The following HTR2C variants were observed in gnomAD, a reference collection of about 807,000 sequenced individuals.
HTR2C encodes 5-hydroxytryptamine receptor 2C.
A neutral mutation model predicts 21.0 loss-of-function variants in HTR2C; 5 were observed. That is an observed-to-expected ratio of 0.24 (90% confidence interval 0.12 to 0.50). The LOEUF is 0.50. Ranked by LOEUF, HTR2C falls within the 20% of genes least tolerant of loss-of-function variation. The pLI, the probability that HTR2C is intolerant of heterozygous loss-of-function variation, is 0.98. For synonymous variants in HTR2C, 150 were observed against 145.3 expected (o/e 1.03, Z -0.23); for missense variants, 271 against 371.2 (o/e 0.73, Z 2.22).
chrX:114,610,662 T>C (rs1928686509), intron 1 of HTR2C, among the ~76,000 whole-genome samples: 1 of 111,873 alleles, frequency 8.9e-6, no homozygotes, highest in African/African-American at 3.3e-5. Context: ...CATCTATGTT[T>C]TCTATCTAGA....
intron 2 of HTR2C, among the ~76,000 whole-genome samples, chrX:114,669,418 C>T (rs1556411320): frequency 8.9e-6 from 1 of 112,068 alleles, no homozygotes; most frequent in Non-Finnish European, 1.9e-5. Context: ...AGTACCCAAA[C>T]TCTTACTGAG....
intron 2 of HTR2C, among the ~76,000 whole-genome samples, chrX:114,647,285 A>C (rs1026337578): frequency 2.6e-4 from 29 of 112,198 alleles, no homozygotes; most frequent in African/African-American, 9.4e-4. Context: ...GGCTATACTA[A>C]TTAGCCTGAT....
chrX:114,663,563 C>T (rs1190892344), intron 2 of HTR2C, among the ~76,000 whole-genome samples: 5 of 110,812 alleles, frequency 4.5e-5, no homozygotes, highest in African/African-American at 1.6e-4. Context: ...TTTTTATCTC[C>T]CTATAAAGGT....
Position 114,588,792 on chromosome X carries a change from G to A in HTR2C, c.-147+4133G>A, listed in dbSNP as rs896688843. Among the ~76,000 whole-genome samples the A allele has an allele frequency of 4.5e-5, 5 of 112,024 alleles. No homozygotes were observed. The East Asian group carries it at 1.1e-3, about 25-fold the overall frequency. Reference sequence around the variant, plus strand: ...TAGCTTCCTGTAATCAAAGTAGTAAGACTTGCCCAAATTAGCAAGTAATTA... The same window carrying A: ...TAGCTTCCTGTAATCAAAGTAGTAAAACTTGCCCAAATTAGCAAGTAATTA... On this transcript the variant is annotated intron_variant, in intron 1 of 5. Coordinates refer to ENST00000276198, the MANE Select transcript of HTR2C (RefSeq NM_000868.4).
chrX:114,815,838 CT>C (rs2070579025), intron 4 of HTR2C, among the ~76,000 whole-genome samples: 1 of 111,229 alleles, frequency 9.0e-6, no homozygotes, highest in Non-Finnish European at 1.9e-5. Context: ...AGAATTGCCC[CT>C]CCTCTGTGAT....
intron 2 of HTR2C, among the ~76,000 whole-genome samples, chrX:114,678,812 AG>A (rs782098172): frequency 6.3e-5 from 7 of 111,416 alleles, no homozygotes; most frequent in African/African-American, 2.3e-4. Context: ...GTTAGCCTTA[AG>A]AGTTCCATTT....
intron 2 of HTR2C, among the ~76,000 whole-genome samples, chrX:114,643,292 A>C (rs1436505449): frequency 5.4e-5 from 6 of 110,546 alleles, no homozygotes; most frequent in Non-Finnish European, 9.5e-5. Context: ...TGTTTGCAAG[A>C]GCCATGAAAT....
At chrX:114,776,754 C>T in intron 4 of HTR2C, 1 of 388,629 alleles carries the variant, frequency 2.6e-6, no homozygotes, top group South Asian at 3.1e-5. Flanking sequence ...AGATCAATAC[C>T]AACTGCAGGT....
chrX:114,681,712 A>G (rs781856698), intron 2 of HTR2C, among the ~76,000 whole-genome samples: 3 of 111,795 alleles, frequency 2.7e-5, no homozygotes, highest in Non-Finnish European at 3.8e-5. Context: ...TAATCTCTAG[A>G]TTACCAAATC....
At chrX:114,752,357 T>C (rs1249305450) in intron 4 of HTR2C, among the ~76,000 whole-genome samples, 1 of 111,592 alleles carries the variant, frequency 9.0e-6, no homozygotes, top group Non-Finnish European at 1.9e-5. Context: ...GCATTTTTAC[T>C]TACAGCATTA....
At chrX:114,664,117 C>A (rs1186126818) in intron 2 of HTR2C, among the ~76,000 whole-genome samples, 1 of 111,752 alleles carries the variant, frequency 8.9e-6, no homozygotes, top group East Asian at 2.8e-4. Context: ...TATACCCGTG[C>A]AAAGTTTTAA....
chrX:114,726,079 C>G (rs1422774484), intron 2 of HTR2C, among the ~76,000 whole-genome samples: 12 of 112,385 alleles, frequency 1.1e-4, no homozygotes, highest in Admixed American at 1.9e-4. Context: ...TTTACCTAAG[C>G]AAGCCTGGGC....
At position 114,609,103 on chromosome X, in the gene HTR2C, A is replaced by G. The variant is rs782562529; in HGVS notation, c.-146-4712A>G. Reference sequence around the variant, plus strand: ...TTGCAACAGTGGTGTGGCATAACACATTAGTAGGAACTTTGGTTGGTATGT... The same window carrying G: ...TTGCAACAGTGGTGTGGCATAACACGTTAGTAGGAACTTTGGTTGGTATGT... On this transcript the variant is annotated intron_variant, in intron 1 of 5. Coordinates refer to ENST00000276198, the MANE Select transcript of HTR2C (RefSeq NM_000868.4). 2.7e-5 allele frequency among the ~76,000 whole-genome samples: 3 copies of G among 112,000 alleles called. No individual in the cohort carries two copies. In the Admixed American group the frequency reaches 2.8e-4, roughly 11 times the overall value.
At chrX:114,780,554 G>A (rs782782283) in intron 4 of HTR2C, among the ~76,000 whole-genome samples, 2 of 111,413 alleles carry the variant, frequency 1.8e-5, no homozygotes, top group African/African-American at 6.5e-5. Context: ...TCACCCTTAG[G>A]GTCTGCAAGA....
intron 2 of HTR2C, among the ~76,000 whole-genome samples, chrX:114,655,274 T>C (rs1271522674): frequency 3.6e-5 from 4 of 111,275 alleles, no homozygotes; most frequent in East Asian, 2.8e-4. Context: ...AGGTTGTTCA[T>C]AGAACTGAGA....
At position 114,817,573 on chromosome X, in the gene HTR2C, C is replaced by T. The variant is rs186540547; in HGVS notation, c.350-30430C>T. Among the ~76,000 whole-genome samples, 88 of 111,523 alleles carry T rather than the reference C, an allele frequency of 7.9e-4. 1 individual carries two copies. Among genetic ancestry groups the T allele is most frequent in the Admixed American group, 3.4e-3 (35 of 10,352 alleles). ...GAATGTTGTTAAGAATAGCAATCTCCGTGACATTTTAACTTGTCCTATTCC... is the reference window on the plus strand; with the variant it reads ...GAATGTTGTTAAGAATAGCAATCTCTGTGACATTTTAACTTGTCCTATTCC... On this transcript the variant is annotated intron_variant, in intron 4 of 5. Coordinates refer to ENST00000276198, the MANE Select transcript of HTR2C (RefSeq NM_000868.4).
chrX:114,732,124 CAA>C (rs1556423546), intron 4 of HTR2C, among the ~76,000 whole-genome samples: 2 of 111,929 alleles, frequency 1.8e-5, no homozygotes, highest in Admixed American at 9.5e-5. Context: ...TACAAAGAGA[CAA>C]GAGATAGCAA....
intron 1 of HTR2C, among the ~76,000 whole-genome samples, chrX:114,611,771 C>T (rs1248689692): frequency 8.9e-6 from 1 of 111,756 alleles, no homozygotes; most frequent in Non-Finnish European, 1.9e-5. Flanking sequence ...GATCTCGGCT[C>T]ACTGCAAACT....
chrX:114,764,919 CTTT>C (rs1569492265), intron 4 of HTR2C, among the ~76,000 whole-genome samples: 2 of 46,388 alleles, frequency 4.3e-5, no homozygotes, highest in African/African-American at 1.6e-4. Flanking sequence ...TTCTTTCTTT[CTTT>C]CTTTTCCTTC....
Sources: allele counts gnomAD v4.1 joint callset (sites outside exome capture counted in the v4.1 genomes callset), GRCh38; gene constraint gnomAD v4.1.1; transcripts MANE v1.5; gene names NCBI Gene and HGNC (gene_info 2026-07-23, HGNC 2026-07-21).